Variants in FARP2 observed in about 807,000 individuals in gnomAD.
The protein encoded by FARP2 is FERM, ARHGEF and pleckstrin domain-containing protein 2.
A neutral mutation model predicts 130.5 loss-of-function variants in FARP2; 111 were observed. That is an observed-to-expected ratio of 0.85 (90% CI 0.73 to 1.00). FARP2 has a LOEUF of 1.00. Among genes scored for constraint, FARP2 ranks in the 50% least tolerant of loss-of-function variants. The probability of loss-of-function intolerance (pLI) is 0.00; values close to 1 mark genes in which losing one functional copy is unlikely to be tolerated. For missense variants in FARP2, 1,385 were observed against 1,346.3 expected, an observed-to-expected ratio of 1.03 and a Z score of -0.45; for synonymous variants, 504 against 516.9, an observed-to-expected ratio of 0.98 and a Z score of 0.34.
rs112536754 is a variant in FARP2, at chr2:241,428,800, G to A, written c.772-2879G>A. Among the ~76,000 whole-genome samples, 240 of 152,082 alleles carry A rather than the reference G, an allele frequency of 1.6e-3. 2 individuals are homozygous for A. The highest frequency in any genetic ancestry group is 5.2e-3 in the African/African-American group (217 of 41,462). On this transcript the variant is annotated intron_variant, in intron 8 of 26. Transcript: ENST00000264042. Reference sequence around the variant, plus strand: ...CCTCATACTCTTTAGCAGTTACTCCGCCAGCCCCCAGCAACCACTGGTATC... The same window carrying A: ...CCTCATACTCTTTAGCAGTTACTCCACCAGCCCCCAGCAACCACTGGTATC...
intron 1 of FARP2, among the ~76,000 whole-genome samples, chr2:241,366,127 A>ATATATATACGTGTATATATATATATACG (rs373040817): frequency 7.3e-6 from 1 of 136,482 alleles, no homozygotes; most frequent in African/African-American, 2.8e-5. Flanking sequence ...ATATACGTAT[A>ATATATATACGTGTATATATATATATACG]TATATATATA....
chr2:241,436,385 G>A, intron 11 of FARP2, 96 bp from the exon 12 acceptor site: 1 of 1,042,014 alleles, frequency 9.6e-7, no homozygotes, highest in Non-Finnish European at 1.5e-6. Flanking sequence ...TTCTTGTGAG[G>A]TTTTCTTCAT....
chr2:241,435,740 T>C (rs967667521), intron 11 of FARP2, among the ~76,000 whole-genome samples: 9 of 150,452 alleles, frequency 6.0e-5, no homozygotes, highest in African/African-American at 2.2e-4. Flanking sequence ...CTCGACCTCC[T>C]GACCTCATGA....
chr2:241,480,699 G>A (rs1004895568), intron 19 of FARP2, among the ~76,000 whole-genome samples: 1 of 152,048 alleles, frequency 6.6e-6, no homozygotes, highest in Non-Finnish European at 1.5e-5. Flanking sequence ...TGAAAAAAAA[G>A]AAAGGAAGAA....
At chr2:241,420,798 G>A (rs2062787072) in intron 8 of FARP2, among the ~76,000 whole-genome samples, 1 of 152,082 alleles carries the variant, frequency 6.6e-6, no homozygotes, top group African/African-American at 2.4e-5. Flanking sequence ...CAGACCCTGG[G>A]CTCCACAATT....
intron 2 of FARP2, among the ~76,000 whole-genome samples, chr2:241,389,289 ACAAT>A (rs1437422200): frequency 2.6e-5 from 4 of 151,982 alleles, no homozygotes; most frequent in East Asian, 1.9e-4. Context: ...AAAAAAACAA[ACAAT>A]CAAACAAACA....
intron 19 of FARP2, among the ~76,000 whole-genome samples, chr2:241,477,123 CTTTTTTTTTT>C (rs71406462): frequency 3.3e-5 from 4 of 122,648 alleles, no homozygotes; most frequent in Admixed American, 9.9e-5. Context: ...ATTCATGTTC[CTTTTTTTTTT>C]TTTTTTTTTT....
intron 8 of FARP2, among the ~76,000 whole-genome samples, chr2:241,428,285 A>G (rs1574805449): frequency 7.4e-6 from 1 of 134,506 alleles, no homozygotes; most frequent in South Asian, 2.3e-4. Context: ...TCCAGGCTGG[A>G]GTACAGTGGC....
At chr2:241,493,148 C>G (rs2064991616) in intron 25 of FARP2, 112 bp downstream of exon 25, 2 of 1,166,606 alleles carry the variant, frequency 1.7e-6, no homozygotes, top group Non-Finnish European at 2.5e-6. Context: ...GCTTTGCCCA[C>G]ACACCCTGTG....
intron 1 of FARP2, among the ~76,000 whole-genome samples, chr2:241,358,463 T>C (rs540663898): frequency 2.6e-5 from 4 of 152,368 alleles, no homozygotes; most frequent in Admixed American, 2.0e-4. Flanking sequence ...TTTAAATCCA[T>C]TTGGCCCAAA....
At chr2:241,435,116 CTGAGTCTT>C in intron 11 of FARP2, 86 bp downstream of exon 11, 1 of 745,710 alleles carries the variant, frequency 1.3e-6, no homozygotes, top group Middle Eastern at 3.9e-4. Flanking sequence ...AAAAGAGAGA[CTGAGTCTT>C]GCTCCGTCAC....
chr2:241,375,158 A>T (rs2061506895), intron 2 of FARP2, among the ~76,000 whole-genome samples: 3 of 152,008 alleles, frequency 2.0e-5, no homozygotes. Flanking sequence ...TCACCATGTT[A>T]GCCAGTATGG....
At chr2:241,484,128 C>T in intron 20 of FARP2, 114 bp from the exon 21 acceptor site, 1 of 1,491,954 alleles carries the variant, frequency 6.7e-7, no homozygotes, top group East Asian at 2.4e-5. Flanking sequence ...CAAAAATCTC[C>T]AGCAAGCTGC....
intron 17 of FARP2, chr2:241,465,543 A>C: frequency 6.4e-7 from 1 of 1,550,538 alleles, no homozygotes; most frequent in East Asian, 2.4e-5. Flanking sequence ...CACTGGGGGA[A>C]GTGAGATTTC....
At chr2:241,436,620 G>A (rs569024029) in intron 12 of FARP2, 82 bp downstream of exon 12, 242 of 1,113,520 alleles carry the variant, frequency 2.2e-4, no homozygotes, top group Middle Eastern at 5.9e-4. Flanking sequence ...ATTGTAACAA[G>A]AGTCTTAAAA....
chr2:241,462,656 C>A (rs2064055282), intron 15 of FARP2, 44 bp downstream of exon 15: 3 of 1,232,946 alleles, frequency 2.4e-6, no homozygotes, highest in South Asian at 1.2e-5. Context: ...TAAAATAAAT[C>A]TCTCATCTGA....
intron 13 of FARP2, 115 bp downstream of exon 13, chr2:241,441,671 G>T: frequency 7.0e-7 from 1 of 1,436,290 alleles, no homozygotes; most frequent in Non-Finnish European, 9.8e-7. Context: ...AGCGCTGCTT[G>T]TAAAAATGAC....
At chr2:241,403,970 G>A in intron 3 of FARP2, 38 bp downstream of exon 3, 1 of 1,167,622 alleles carries the variant, frequency 8.6e-7, no homozygotes, top group Middle Eastern at 1.9e-4. Context: ...GGAGCCTTTG[G>A]GCCTGCTGTG....
chr2:241,489,872 C>A, intron 21 of FARP2, 90 bp from the exon 22 acceptor site: 1 of 838,232 alleles, frequency 1.2e-6, no homozygotes, highest in South Asian at 1.5e-5. Flanking sequence ...CCCCACCTAG[C>A]ATTGCCAGCA....
Sources: gnomAD v4.1 joint callset for allele counts (sites outside exome capture counted in the v4.1 genomes callset) on GRCh38, gnomAD v4.1.1 for gene constraint, MANE v1.5 for transcripts, NCBI Gene and HGNC (gene_info 2026-07-23, HGNC 2026-07-21) for gene names.